Variants in FNDC1 observed in about 807,000 individuals in gnomAD.
FNDC1 encodes the protein fibronectin type III domain-containing protein 1.
Under a neutral mutation model 168.0 loss-of-function variants are expected in FNDC1, and 96 were observed. The observed-to-expected ratio is 0.57, with a 90% CI of 0.48 to 0.68. The LOEUF is 0.68. Ranked by LOEUF, FNDC1 falls within the 30% of genes least tolerant of loss-of-function variation. The pLI is 0.00. For missense variants in FNDC1, 2,587 were observed against 2,482.1 expected, an observed-to-expected ratio of 1.04 and a Z score of -0.90; for synonymous variants, 1,099 against 1,025.9, an observed-to-expected ratio of 1.07 and a Z score of -1.36.
intron 1 of FNDC1, among the ~76,000 whole-genome samples, chr6:159,189,423 CAGA>C (rs1356929706): frequency 6.6e-6 from 1 of 152,196 alleles, no homozygotes; most frequent in Non-Finnish European, 1.5e-5. Flanking sequence ...CGTCCATTAC[CAGA>C]AGAATTAGGG....
intron 14 of FNDC1, among the ~76,000 whole-genome samples, chr6:159,245,368 A>G (rs1783518068): frequency 6.6e-6 from 1 of 152,230 alleles, no homozygotes; most frequent in Non-Finnish European, 1.5e-5. Flanking sequence ...GAAATCATCC[A>G]CTAGTCACTT....
intron 2 of FNDC1, among the ~76,000 whole-genome samples, chr6:159,199,251 C>G (rs924144162): frequency 6.6e-6 from 1 of 152,142 alleles, no homozygotes; most frequent in Non-Finnish European, 1.5e-5. Flanking sequence ...TCAGGGTGCC[C>G]TCCCCTGTAA....
chr6:159,245,363 C>A (rs1783517995), intron 14 of FNDC1, among the ~76,000 whole-genome samples: 1 of 152,212 alleles, frequency 6.6e-6, no homozygotes, highest in Non-Finnish European at 1.5e-5. Flanking sequence ...TCTGGGAAAT[C>A]ATCCACTAGT....
At chr6:159,225,488 G>C (rs781469346) in intron 7 of FNDC1, 47 bp from the exon 8 acceptor site, 4 of 1,471,838 alleles carry the variant, frequency 2.7e-6, no homozygotes, top group Non-Finnish European at 3.7e-6. Flanking sequence ...ATCTAGTGTT[G>C]AGTGGCAGAG....
chr6:159,180,856 C>G (rs1781863330), intron 1 of FNDC1, among the ~76,000 whole-genome samples: 1 of 152,076 alleles, frequency 6.6e-6, no homozygotes, highest in Non-Finnish European at 1.5e-5. Context: ...TGTATATGTC[C>G]CGCATTTTAA....
At chr6:159,189,650 C>T (rs1345669886) in intron 1 of FNDC1, among the ~76,000 whole-genome samples, 1 of 152,194 alleles carries the variant, frequency 6.6e-6, no homozygotes, top group Admixed American at 6.5e-5. Flanking sequence ...TCTCACCCCT[C>T]CTGGGCGTTG....
intron 1 of FNDC1, among the ~76,000 whole-genome samples, chr6:159,181,594 T>G (rs191927451): frequency 7.9e-5 from 12 of 152,328 alleles, no homozygotes; most frequent in Non-Finnish European, 1.8e-4. Context: ...AAACTTCCGC[T>G]TGCCAGATGT....
chr6:159,177,599 C>T (rs211578), intron 1 of FNDC1, among the ~76,000 whole-genome samples: 75,084 of 151,870 alleles, frequency 0.49, 18,947 homozygotes, highest in East Asian at 0.62. Context: ...CTGCTTTTGA[C>T]AAAAGCTCTG....
chr6:159,271,755 T>A lies in FNDC1; in HGVS notation c.*313T>A. On this transcript the variant is annotated 3_prime_UTR_variant, in exon 23 of 23. Transcript: ENST00000297267. ...GTGTGATTTCCAGACTTTTTAGGCA[T>A]GAAATTCGGACACTTCAGTATTTCC... is the stretch of plus-strand genomic sequence containing the variant. The A allele has an allele frequency of 4.0e-6, 1 of 250,164 alleles. No individual in the cohort carries two copies. Among genetic ancestry groups the A allele is most frequent in the Non-Finnish European group, 7.9e-6 (1 of 127,158 alleles). The allele number at this position is 250,164 out of a possible 1,614,324, so 15.5% of individuals were successfully genotyped here.
intron 14 of FNDC1, 33 bp downstream of exon 14, chr6:159,239,990 C>A: frequency 1.4e-6 from 2 of 1,455,658 alleles, no homozygotes; most frequent in Non-Finnish European, 1.8e-6. Context: ...TAACTACTTA[C>A]CAGGCACACT....
chr6:159,230,106 A>T, intron 10 of FNDC1, 103 bp downstream of exon 10: 1 of 1,042,304 alleles, frequency 9.6e-7, no homozygotes, highest in Non-Finnish European at 1.3e-6. Flanking sequence ...TGCTCAGCAG[A>T]TGATTTTTCC....
At chr6:159,170,897 T>C (rs1179602289) in intron 1 of FNDC1, among the ~76,000 whole-genome samples, 1 of 152,202 alleles carries the variant, frequency 6.6e-6, no homozygotes, top group Admixed American at 6.5e-5. Context: ...GGAATAAAAC[T>C]AAATAAAGTC....
At chr6:159,183,416 C>G (rs1487505645) in intron 1 of FNDC1, among the ~76,000 whole-genome samples, 2 of 152,180 alleles carry the variant, frequency 1.3e-5, no homozygotes, top group Non-Finnish European at 2.9e-5. Context: ...AACTGTCATC[C>G]CTCAGACCTC....
chr6:159,254,454 T>G (rs1298737917), intron 17 of FNDC1, among the ~76,000 whole-genome samples: 1 of 152,148 alleles, frequency 6.6e-6, no homozygotes, highest in Non-Finnish European at 1.5e-5. Context: ...TCACTTGATG[T>G]CATCACTGGG....
intron 15 of FNDC1, 122 bp from the exon 16 acceptor site, chr6:159,248,917 G>GCGTC: frequency 1.3e-6 from 1 of 779,550 alleles, no homozygotes; most frequent in East Asian, 3.1e-5. Context: ...GTGTGTGTGT[G>GCGTC]TGTGTGTCTG....
chr6:159,262,963 G>C (rs1368763412), intron 19 of FNDC1, among the ~76,000 whole-genome samples: 4 of 152,178 alleles, frequency 2.6e-5, no homozygotes, highest in African/African-American at 9.6e-5. Context: ...GCTGAAAATG[G>C]CTAGGCGAGC....
chr6:159,196,972 C>G (rs1232295403), intron 1 of FNDC1, among the ~76,000 whole-genome samples: 1 of 152,188 alleles, frequency 6.6e-6, no homozygotes, highest in African/African-American at 2.4e-5. Flanking sequence ...TGTTATCTCA[C>G]TTAGAATACA....
At position 159,233,816 on chromosome 6, in the gene FNDC1, G is replaced by A; in HGVS notation, c.3304G>A (p.Glu1102Lys). The change falls in exon 11 of 23, where the codon GAG (glutamate) becomes AAG (lysine). Residue 1102 changes from glutamate to lysine, a missense_variant. Coordinates refer to ENST00000297267, the MANE Select transcript of FNDC1 (RefSeq NM_032532.3). The surrounding 1 kb of genome is among the most constrained non-coding windows in gnomAD (Gnocchi z 4.6). The stretch of plus-strand genomic sequence containing the variant: ...CCCCGCGCACGCCGCGCGCGCCAAG[G>A]AGGCAGCTGCGTCCCTTCCCAAGCA... ...RAPAHAARAK[E>K]AAASLPKHQQ... 6.5e-7 allele frequency: 1 copy of A among 1,539,296 alleles called. No homozygotes were observed. Among genetic ancestry groups the A allele is most frequent in the Non-Finnish European group, 8.8e-7 (1 of 1,142,090 alleles).
At chr6:159,271,206 A>T (rs1261994613) in intron 22 of FNDC1, 121 bp from the exon 23 acceptor site, 2 of 683,620 alleles carry the variant, frequency 2.9e-6, no homozygotes, top group Admixed American at 4.6e-5. Flanking sequence ...ATTTGAAAGT[A>T]GCGTTTTGTC....
Sources: gnomAD v4.1 joint callset for allele counts (sites outside exome capture counted in the v4.1 genomes callset) on GRCh38, gnomAD v4.1.1 for gene constraint, Gnocchi (gnomAD v3.1) non-coding constraint, MANE v1.5 for transcripts, NCBI Gene and HGNC (gene_info 2026-07-23, HGNC 2026-07-21) for gene names.